LCORL: variants seen among roughly 807,000 people sequenced by gnomAD.
LCORL encodes the protein ligand-dependent nuclear receptor corepressor-like protein.
Under a neutral mutation model 141.8 loss-of-function variants are expected in LCORL, and 41 were observed. That is an observed-to-expected ratio of 0.29 (90% CI 0.23 to 0.38). The LOEUF (loss-of-function observed/expected upper bound fraction) is 0.38. LCORL is among the 10% of genes least tolerant of loss of function. The pLI is 1.00. For synonymous variants in LCORL, 618 were observed against 694.1 expected (o/e 0.89, Z 1.72); for missense variants, 1,759 against 2,035.0 (o/e 0.86, Z 2.61).
chr4:17,911,667 G>C, intron 4 of LCORL: 3 of 493,486 alleles, frequency 6.1e-6, no homozygotes, highest in Non-Finnish European at 1.2e-5. Context: ...TCTCCTCCCT[G>C]GACAGCATGA....
At chr4:17,895,127 A>C (rs1236657074) in intron 5 of LCORL, among the ~76,000 whole-genome samples, 1 of 151,994 alleles carries the variant, frequency 6.6e-6, no homozygotes, top group African/African-American at 2.4e-5. Flanking sequence ...ATTGTACAGT[A>C]ATCAGTGTAA....
At position 18,021,349 on chromosome 4, in the gene LCORL, C is replaced by A. The variant is rs1725538462; in HGVS notation, c.154+249G>T. 6.6e-6 allele frequency among the ~76,000 whole-genome samples: 1 copy of A among 152,116 alleles called. No homozygotes were observed. The highest frequency in any genetic ancestry group is 6.5e-5 in the Admixed American group (1 of 15,278). On this transcript the variant is annotated intron_variant, in intron 1 of 7. Transcript: ENST00000635767. The surrounding 1 kb of genome is among the most constrained non-coding windows in gnomAD (Gnocchi z 5.5). Reference sequence around the variant, plus strand: ...GCGGCTTCCGCGGGGGCTCAGCAAGCGGGTCCAAACTAACAGTTCCCGGGG... The same window carrying A: ...GCGGCTTCCGCGGGGGCTCAGCAAGAGGGTCCAAACTAACAGTTCCCGGGG...
chr4:18,009,684 C>T (rs1723382409), intron 1 of LCORL, among the ~76,000 whole-genome samples: 1 of 152,106 alleles, frequency 6.6e-6, no homozygotes, highest in African/African-American at 2.4e-5. Context: ...TGACATCCCA[C>T]CCCAAGTAGA....
chr4:17,922,876 C>T (rs2109381503), intron 4 of LCORL, among the ~76,000 whole-genome samples: 1 of 152,252 alleles, frequency 6.6e-6, no homozygotes, highest in East Asian at 1.9e-4. Context: ...TCAACATCCC[C>T]AACACATCCC....
chr4:18,003,223 G>T (rs1722255774), intron 1 of LCORL, among the ~76,000 whole-genome samples: 1 of 152,108 alleles, frequency 6.6e-6, no homozygotes, highest in Non-Finnish European at 1.5e-5. Context: ...CACCATGGAA[G>T]ACTAAACTAG....
chr4:17,899,484 AGAG>A (rs1259546629), intron 5 of LCORL, among the ~76,000 whole-genome samples: 1 of 152,206 alleles, frequency 6.6e-6, no homozygotes, highest in South Asian at 2.1e-4. Flanking sequence ...TAGGCGAAGA[AGAG>A]AAGGAAACGG....
chr4:18,021,755 C>T lies in LCORL; in HGVS notation c.-4G>A. ...TTCTCTCTCTTCCCTTGTCCATCTG[C>T]GTCCCGCGTCACGCGCCCTCATTTA... On this transcript the variant is annotated 5_prime_UTR_variant, in exon 1 of 8. Transcript: ENST00000635767. The surrounding 1 kb of genome is among the most constrained non-coding windows in gnomAD (Gnocchi z 5.5). 1 of 1,490,576 alleles carries T rather than the reference C, an allele frequency of 6.7e-7. No homozygotes were observed. The allele number at this position is 1,490,576 out of a possible 1,614,324, so 92.3% of individuals were successfully genotyped here. A position where few individuals can be genotyped will look rare whatever the true frequency, so the allele number is the denominator to read the frequency against.
At chr4:17,873,857 T>C in exon 7 of LCORL, 3 of 1,234,046 alleles carry the variant, frequency 2.4e-6, no homozygotes, top group Non-Finnish European at 3.0e-6. Flanking sequence ...ATACATTTTC[T>C]AGTCTTGGTC....
intron 5 of LCORL, among the ~76,000 whole-genome samples, chr4:17,908,029 T>C (rs1731925466): frequency 6.6e-6 from 1 of 152,062 alleles, no homozygotes; most frequent in Non-Finnish European, 1.5e-5. Context: ...CACTAACTAG[T>C]ATATTCTTCT....
intron 1 of LCORL, among the ~76,000 whole-genome samples, chr4:17,978,469 C>A (rs1048209580): frequency 2.6e-5 from 4 of 151,724 alleles, no homozygotes; most frequent in East Asian, 3.9e-4. Flanking sequence ...AGTGGTGGCA[C>A]ACACCTGTAG....
intron 4 of LCORL, among the ~76,000 whole-genome samples, chr4:17,941,928 C>T (rs1298516563): frequency 6.6e-6 from 1 of 151,490 alleles, no homozygotes; most frequent in African/African-American, 2.4e-5. Flanking sequence ...CCATCAGAGT[C>T]ATTTAGATAA....
chr4:18,007,726 A>G (rs1723045716), intron 1 of LCORL, among the ~76,000 whole-genome samples: 2 of 152,196 alleles, frequency 1.3e-5, no homozygotes, highest in African/African-American at 4.8e-5. Flanking sequence ...AAATAAAGGC[A>G]GCAATTTTAG....
At chr4:18,010,422 ATG>A (rs1553887711) in intron 1 of LCORL, among the ~76,000 whole-genome samples, 1 of 144,626 alleles carries the variant, frequency 6.9e-6, no homozygotes, top group Non-Finnish European at 1.5e-5. Context: ...GTATATATAT[ATG>A]TATGTATGTA....
intron 4 of LCORL, among the ~76,000 whole-genome samples, chr4:17,929,630 G>A (rs1045920904): frequency 2.6e-5 from 4 of 152,024 alleles, no homozygotes; most frequent in African/African-American, 9.7e-5. Context: ...ATGGATCAAA[G>A]ATCCAAATAT....
chr4:17,960,239 G>T (rs1713508276), intron 4 of LCORL: 1 of 154,248 alleles, frequency 6.5e-6, no homozygotes. Flanking sequence ...AAATGGAGAG[G>T]TCACTAAATA....
At chr4:17,886,355 G>T (rs1264304641) in intron 5 of LCORL, among the ~76,000 whole-genome samples, 194 bp from the exon 6 acceptor site, 1 of 152,034 alleles carries the variant, frequency 6.6e-6, no homozygotes, top group African/African-American at 2.4e-5. Context: ...GAACAGAGGA[G>T]GAGCTGGCAT....
chr4:17,848,207 C>T (rs998885513), intron 7 of LCORL, among the ~76,000 whole-genome samples: 2 of 151,752 alleles, frequency 1.3e-5, no homozygotes, highest in Non-Finnish European at 2.9e-5. Flanking sequence ...TAATATACAG[C>T]TTGACATTTA....
chr4:17,952,707 C>T (rs1443292865), intron 4 of LCORL, among the ~76,000 whole-genome samples: 1 of 152,014 alleles, frequency 6.6e-6, no homozygotes, highest in Non-Finnish European at 1.5e-5. Context: ...GAGCCACCGC[C>T]CCCGGCCAAA....
Position 17,998,179 on chromosome 4 carries a change from T to G in LCORL, c.154+23419A>C, listed in dbSNP as rs1336301445. On this transcript the variant is annotated intron_variant, in intron 1 of 7. Coordinates refer to ENST00000635767, the Ensembl canonical transcript of LCORL. ...AAAATAGTATACCTGTATAGGGCAC[T>G]TACCATGAATGGAGCTTGAAGGATG... is the stretch of plus-strand genomic sequence containing the variant. 4.6e-5 allele frequency among the ~76,000 whole-genome samples: 7 copies of G among 152,204 alleles called. 1 individual carries two copies. Among genetic ancestry groups the G allele is most frequent in the Admixed American group, 4.6e-4 (7 of 15,284 alleles).
Sources: allele counts gnomAD v4.1 joint callset (sites outside exome capture counted in the v4.1 genomes callset), GRCh38; gene constraint gnomAD v4.1.1; non-coding constraint Gnocchi (gnomAD v3.1); transcripts MANE v1.5; gene names NCBI Gene and HGNC (gene_info 2026-07-23, HGNC 2026-07-21).